The following SEMA3D variants were observed in gnomAD, a reference collection of about 807,000 sequenced individuals.
The protein encoded by SEMA3D is semaphorin 3D, also known as semaphorin-3D.
A neutral mutation model predicts 100.1 loss-of-function variants in SEMA3D; 84 were observed. The ratio of observed to expected loss-of-function variants is 0.84; its 90% confidence interval spans 0.70 to 1.01. The LOEUF (loss-of-function observed/expected upper bound fraction) is 1.01. SEMA3D is among the 50% of genes least tolerant of loss of function. The pLI is 0.00. For missense variants in SEMA3D, 875 were observed against 934.1 expected (o/e 0.94, Z 0.82); for synonymous variants, 312 against 320.7 (o/e 0.97, Z 0.29).
At chr7:85,105,110 A>G (rs558558057) in intron 3 of SEMA3D, among the ~76,000 whole-genome samples, 4 of 152,170 alleles carry the variant, frequency 2.6e-5, no homozygotes, top group South Asian at 4.1e-4. Context: ...CAGATCTCCA[A>G]TGTATTCTCT....
chr7:85,223,912 C>T, the SEMA3D span, among the ~76,000 whole-genome samples: 1 of 151,810 alleles, frequency 6.6e-6, no homozygotes, highest in African/African-American at 2.4e-5. Flanking sequence ...AAAAAAAAGT[C>T]TCTAAGAAAT....
chr7:85,049,390 A>T (rs1371499664), intron 9 of SEMA3D, among the ~76,000 whole-genome samples: 1 of 151,844 alleles, frequency 6.6e-6, no homozygotes, highest in Non-Finnish European at 1.5e-5. Context: ...TATTGGAAAT[A>T]CAGGACTGGT....
the SEMA3D span, among the ~76,000 whole-genome samples, chr7:85,249,087 G>C: frequency 6.6e-6 from 1 of 152,036 alleles, no homozygotes; most frequent in Non-Finnish European, 1.5e-5. Flanking sequence ...GAACAGGCAG[G>C]GGCATATGGT....
chr7:85,060,303 A>G (rs1318789146), intron 8 of SEMA3D, among the ~76,000 whole-genome samples: 2 of 152,216 alleles, frequency 1.3e-5, no homozygotes, highest in Non-Finnish European at 2.9e-5. Context: ...AGAGTTAAAA[A>G]TAAATACAAG....
At chr7:85,151,116 A>C (rs375711433) in intron 2 of SEMA3D, among the ~76,000 whole-genome samples, 50 of 143,128 alleles carry the variant, frequency 3.5e-4, no homozygotes, top group African/African-American at 1.2e-3. Flanking sequence ...ACACACACAC[A>C]CCGCACATAT....
In SEMA3D at chr7:85,022,412, C is replaced by A. The variant is rs202240375; in HGVS notation, c.1393G>T (p.Asp465Tyr). 1 of 1,611,232 alleles carries A rather than the reference C, an allele frequency of 6.2e-7. No homozygotes were observed. Among genetic ancestry groups the A allele is most frequent in the Non-Finnish European group, 8.5e-7 (1 of 1,177,874 alleles). Residue 465 changes from aspartate (D) to tyrosine (Y), a missense_variant, in exon 13 of 19, where the codon GAT (aspartate) becomes TAT (tyrosine). Transcript: ENST00000284136. ...DHVIAEDGQY[D>Y]VMFLGTDIGT... is the part of the protein sequence containing the mutation. ...TTACCTGTTCCAAGAAACATTACAT[C>A]GTACTGGCCATCTTCTGCAATGACA...
At chr7:85,243,165 A>T in the SEMA3D span, among the ~76,000 whole-genome samples, 1 of 152,180 alleles carries the variant, frequency 6.6e-6, no homozygotes, top group African/African-American at 2.4e-5. Context: ...TCAGCAGGTT[A>T]AGTTCTAGTA....
intron 2 of SEMA3D, among the ~76,000 whole-genome samples, chr7:85,135,656 A>AAAATAAATAAAT (rs201274421): frequency 1.8e-4 from 27 of 147,494 alleles, no homozygotes; most frequent in African/African-American, 6.3e-4. Flanking sequence ...TAAGTATAAT[A>AAAATAAATAAAT]AAATAAATAA....
chr7:85,143,859 C>A (rs552629708), intron 2 of SEMA3D, among the ~76,000 whole-genome samples: 1 of 151,524 alleles, frequency 6.6e-6, no homozygotes, highest in South Asian at 2.1e-4. Context: ...CACAGGCATG[C>A]GCCACCACAC....
chr7:85,091,219 G>A (rs954504695), intron 4 of SEMA3D, among the ~76,000 whole-genome samples: 1 of 150,918 alleles, frequency 6.6e-6, no homozygotes. Flanking sequence ...AGGAAGGGAA[G>A]GAAGGAGAAA....
At chr7:85,142,204 G>A (rs1470884521) in intron 2 of SEMA3D, 14 of 982,844 alleles carry the variant, frequency 1.4e-5, no homozygotes, top group South Asian at 4.7e-5. Flanking sequence ...TTACTCAATT[G>A]CTTATTTAAT....
At chr7:85,041,427 T>G (rs1268887782) in intron 10 of SEMA3D, 1 of 152,062 alleles carries the variant, frequency 6.6e-6, no homozygotes, top group Non-Finnish European at 1.5e-5. Flanking sequence ...TGACAGTAAG[T>G]TATGTGCAAA....
Position 85,036,892 on chromosome 7 carries a change from A to G in SEMA3D, c.1188T>C (p.Gly396=), listed in dbSNP as rs1196237937. The change falls in exon 12 of 19, where the codon GGT becomes GGC. Residue 396 remains glycine (G), a synonymous_variant. Transcript: ENST00000284136. The stretch of plus-strand genomic sequence containing the variant: ...GATTATTAAGTTGGATACATACTGT[A>G]CCAGGCCGTGGATAAGGAATTCTCC... ...YDGRIPYPRP[G]TCPSKTYDPL... The G allele has an allele frequency of 1.9e-6, 3 of 1,612,216 alleles. No individual in the cohort carries two copies. The African/African-American group carries it at 4.0e-5, about 22-fold the overall frequency.
chr7:85,116,113 G>A (rs1789233069), intron 3 of SEMA3D, among the ~76,000 whole-genome samples: 1 of 151,248 alleles, frequency 6.6e-6, no homozygotes, highest in Non-Finnish European at 1.5e-5. Context: ...TTTGTGAAGT[G>A]TCTGAATAAG....
intron 5 of SEMA3D, among the ~76,000 whole-genome samples, chr7:85,074,350 T>G (rs114604130): frequency 6.6e-6 from 1 of 152,024 alleles, no homozygotes; most frequent in African/African-American, 2.4e-5. Context: ...AACAAACAAA[T>G]AAATAAAAAA....
the SEMA3D span, among the ~76,000 whole-genome samples, chr7:85,249,989 G>A: frequency 1.3e-5 from 2 of 152,126 alleles, no homozygotes; most frequent in Admixed American, 1.3e-4. Context: ...GCCAGAGAGT[G>A]GGCCCAGGTC....
intron 1 of SEMA3D, among the ~76,000 whole-genome samples, chr7:85,180,935 G>A (rs189606295): frequency 6.6e-6 from 1 of 152,270 alleles, no homozygotes; most frequent in African/African-American, 2.4e-5. Flanking sequence ...AGACAGGTGT[G>A]AAGATTACTG....
chr7:85,076,760 C>T (rs945493616), intron 5 of SEMA3D, among the ~76,000 whole-genome samples: 6 of 152,084 alleles, frequency 3.9e-5, no homozygotes, highest in Non-Finnish European at 5.9e-5. Context: ...TAGAAGTTCT[C>T]GGACAGGATC....
chr7:85,220,558 C>T, the SEMA3D span, among the ~76,000 whole-genome samples: 1 of 151,912 alleles, frequency 6.6e-6, no homozygotes, highest in African/African-American at 2.4e-5. Context: ...CTGCACCTTG[C>T]TTACTGTGTA....
Sources: allele counts gnomAD v4.1 joint callset (sites outside exome capture counted in the v4.1 genomes callset), GRCh38; gene constraint gnomAD v4.1.1; transcripts MANE v1.5; gene names NCBI Gene and HGNC (gene_info 2026-07-23, HGNC 2026-07-21).